Variants in CAMKMT observed in about 807,000 individuals in gnomAD.
CAMKMT encodes CaM KMT.
In CAMKMT, 53 loss-of-function variants were observed where a neutral mutation model predicts 48.0. The ratio of observed to expected loss-of-function variants is 1.10; its 90% CI spans 0.89 to 1.39. The LOEUF is 1.39. Among genes scored for constraint, CAMKMT ranks in the 40% most tolerant of loss-of-function variants. CAMKMT has a pLI of 0.00. For synonymous variants in CAMKMT, 165 were observed against 152.3 expected (o/e 1.08, Z -0.61); for missense variants, 428 against 402.7 (o/e 1.06, Z -0.54).
chr2:44,586,291 A>T (rs1225295475), intron 3 of CAMKMT, among the ~76,000 whole-genome samples: 1 of 152,060 alleles, frequency 6.6e-6, no homozygotes, highest in East Asian at 1.9e-4. Context: ...CACGTATCTC[A>T]AGTGTACAAT....
At chr2:44,514,061 C>A (rs757122863) in intron 3 of CAMKMT, among the ~76,000 whole-genome samples, 3 of 149,382 alleles carry the variant, frequency 2.0e-5, no homozygotes, top group Non-Finnish European at 3.0e-5. Context: ...GAGATTGCGC[C>A]ACTACACTCT....
intron 2 of CAMKMT, among the ~76,000 whole-genome samples, chr2:44,374,973 T>A (rs553202354): frequency 2.0e-5 from 3 of 152,144 alleles, no homozygotes; most frequent in African/African-American, 4.8e-5. Context: ...CTACAAAAAA[T>A]TTTAAAAATT....
At chr2:44,463,618 A>G (rs1216132127) in intron 3 of CAMKMT, among the ~76,000 whole-genome samples, 1 of 152,182 alleles carries the variant, frequency 6.6e-6, no homozygotes, top group East Asian at 1.9e-4. Flanking sequence ...CATACCTTGG[A>G]TACCTGGGGT....
At chr2:44,479,173 T>A (rs1394513894) in intron 3 of CAMKMT, among the ~76,000 whole-genome samples, 1 of 152,212 alleles carries the variant, frequency 6.6e-6, no homozygotes, top group Admixed American at 6.5e-5. Flanking sequence ...TTACTTTATA[T>A]TACAGAGTGT....
chr2:44,394,478 A>G (rs1681637928), intron 3 of CAMKMT, among the ~76,000 whole-genome samples: 1 of 151,510 alleles, frequency 6.6e-6, no homozygotes, highest in Non-Finnish European at 1.5e-5. Context: ...CCCAGGCTAG[A>G]GTGCAATGGT....
At chr2:44,446,811 A>G (rs573762748) in intron 3 of CAMKMT, among the ~76,000 whole-genome samples, 2 of 152,220 alleles carry the variant, frequency 1.3e-5, no homozygotes, top group Admixed American at 1.3e-4. Context: ...CAGTCTTTCT[A>G]TCTGAAGTTT....
intron 3 of CAMKMT, among the ~76,000 whole-genome samples, chr2:44,603,749 C>T (rs1054273715): frequency 3.9e-5 from 6 of 152,156 alleles, no homozygotes; most frequent in Non-Finnish European, 7.4e-5. Context: ...AAAATGTATT[C>T]CCCTGCCCCA....
intron 3 of CAMKMT, among the ~76,000 whole-genome samples, chr2:44,481,415 C>G (rs1260755434): frequency 1.3e-5 from 2 of 151,972 alleles, no homozygotes; most frequent in Non-Finnish European, 2.9e-5. Context: ...TAAGGCAAGG[C>G]TCTTCAGGTC....
chr2:44,701,580 A>G (rs1677264254), intron 3 of CAMKMT, among the ~76,000 whole-genome samples: 1 of 152,178 alleles, frequency 6.6e-6, no homozygotes, highest in African/African-American at 2.4e-5. Flanking sequence ...GGAGAAAACC[A>G]TAGGTTGGGA....
chr2:44,611,439 GAA>G (rs78882825), intron 3 of CAMKMT, among the ~76,000 whole-genome samples: 1 of 114,422 alleles, frequency 8.7e-6, no homozygotes, highest in Non-Finnish European at 1.9e-5. Context: ...GTCCCCAAAA[GAA>G]AAAAAAAAAA....
intron 10 of CAMKMT, among the ~76,000 whole-genome samples, chr2:44,771,384 A>T (rs1558846000): frequency 6.6e-6 from 1 of 152,188 alleles, no homozygotes; most frequent in African/African-American, 2.4e-5. Flanking sequence ...GAAAAAGTGT[A>T]CTTCATATGT....
At chr2:44,428,961 A>G (rs1488585989) in intron 3 of CAMKMT, among the ~76,000 whole-genome samples, 1 of 152,184 alleles carries the variant, frequency 6.6e-6, no homozygotes, top group African/African-American at 2.4e-5. Flanking sequence ...TTTTCCTGCC[A>G]TTTCTCCATG....
At chr2:44,663,771 C>T (rs560823033) in intron 3 of CAMKMT, among the ~76,000 whole-genome samples, 43 of 152,272 alleles carry the variant, frequency 2.8e-4, no homozygotes, top group Non-Finnish European at 5.4e-4. Context: ...GTGAATCTTT[C>T]CATTCATTTA....
intron 3 of CAMKMT, among the ~76,000 whole-genome samples, chr2:44,592,459 G>T (rs578131575): frequency 8.6e-5 from 13 of 152,040 alleles, no homozygotes; most frequent in African/African-American, 2.9e-4. Context: ...GGTCATTTTT[G>T]TCTTTTCTAT....
intron 7 of CAMKMT, among the ~76,000 whole-genome samples, chr2:44,739,640 C>T (rs910664151): frequency 6.6e-6 from 1 of 152,056 alleles, no homozygotes; most frequent in Non-Finnish European, 1.5e-5. Flanking sequence ...AAGAACTGAC[C>T]TAAATTTAGC....
chr2:44,458,987 T>C (rs1398727187), intron 3 of CAMKMT, among the ~76,000 whole-genome samples: 1 of 152,124 alleles, frequency 6.6e-6, no homozygotes, highest in African/African-American at 2.4e-5. Flanking sequence ...TTCTGAAGTT[T>C]TAAGTGACAG....
At chr2:44,600,937 G>A (rs1253638274) in intron 3 of CAMKMT, among the ~76,000 whole-genome samples, 1 of 152,050 alleles carries the variant, frequency 6.6e-6, no homozygotes, top group Non-Finnish European at 1.5e-5. Context: ...ATTAGAGTGT[G>A]TCAAGACAAT....
chr2:44,410,572 A>T (rs2104475911), intron 3 of CAMKMT, among the ~76,000 whole-genome samples: 1 of 152,198 alleles, frequency 6.6e-6, no homozygotes, highest in East Asian at 1.9e-4. Flanking sequence ...ATCAACCCTG[A>T]AATTCCAAAT....
intron 3 of CAMKMT, among the ~76,000 whole-genome samples, chr2:44,621,266 CAAA>C (rs10667154): frequency 1.3e-4 from 11 of 84,552 alleles, no homozygotes; most frequent in African/African-American, 4.3e-4. Flanking sequence ...GACTCCATCT[CAAA>C]AAAAAAAAAA....
Sources: gnomAD v4.1 joint callset for allele counts (sites outside exome capture counted in the v4.1 genomes callset) on GRCh38, gnomAD v4.1.1 for gene constraint, MANE v1.5 for transcripts, NCBI Gene and HGNC (gene_info 2026-07-23, HGNC 2026-07-21) for gene names.